SACS: variants seen among roughly 807,000 people sequenced by gnomAD.
The protein encoded by SACS is sacsin molecular chaperone.
A neutral mutation model predicts 348.0 loss-of-function variants in SACS; 197 were observed. The observed-to-expected ratio is 0.57, with a 90% CI of 0.50 to 0.64. The LOEUF is 0.64. Among genes scored for constraint, SACS ranks in the 30% least tolerant of loss-of-function variants. The pLI is 0.00. For synonymous variants in SACS, 1,985 were observed against 1,910.6 expected, an observed-to-expected ratio of 1.04 and a Z score of -1.02; for missense variants, 4,999 against 5,360.8, an observed-to-expected ratio of 0.93 and a Z score of 2.11.
At chr13:23,414,935 A>G (rs2137973748) in intron 1 of SACS, among the ~76,000 whole-genome samples, 1 of 152,376 alleles carries the variant, frequency 6.6e-6, no homozygotes, top group South Asian at 2.1e-4. Flanking sequence ...TGATACACAC[A>G]TGCTAGGTCT....
Position 23,336,440 on chromosome 13 carries a change from G to GT in SACS, c.7435dup (p.Thr2479AsnfsTer9). On this transcript the variant is annotated frameshift_variant, in exon 10 of 10. Transcript: ENST00000382292. LOFTEE classifies it high-confidence loss of function. ...GTCAGCATGACAATATTTTACAGTG[G>GT]TATCCTTTACTTTTATCCAAGGGCA... 6.2e-7 allele frequency: 1 copy of GT among 1,614,034 alleles called. No individual in the cohort carries two copies. Among genetic ancestry groups the GT allele is most frequent in the Non-Finnish European group, 8.5e-7 (1 of 1,179,934 alleles).
intron 2 of SACS, among the ~76,000 whole-genome samples, chr13:23,390,147 T>C (rs1318446521): frequency 6.6e-6 from 1 of 152,186 alleles, no homozygotes; most frequent in Non-Finnish European, 1.5e-5. Flanking sequence ...CTTCAAACTG[T>C]GTTTGGCTCT....
rs1872686861 is a variant in SACS, at chr13:23,395,665, G to A, written c.20+15555C>T. 2.6e-5 allele frequency among the ~76,000 whole-genome samples: 4 copies of A among 152,130 alleles called. No homozygotes were observed. The South Asian group carries it at 8.3e-4, about 32-fold the overall frequency. ...GACCCCCAAAAGCAATCAGATATAT[G>A]AGCAAATGAAAATCTTACAAGTCTC... On this transcript the variant is annotated intron_variant, in intron 2 of 9. Coordinates refer to ENST00000382292, the MANE Select transcript of SACS (RefSeq NM_014363.6).
At chr13:23,349,812 G>A (rs1869839390) in intron 9 of SACS, among the ~76,000 whole-genome samples, 1 of 152,158 alleles carries the variant, frequency 6.6e-6, no homozygotes, top group Non-Finnish European at 1.5e-5. Context: ...TTTGTTCAAA[G>A]TCACACAATA....
intron 2 of SACS, among the ~76,000 whole-genome samples, chr13:23,402,521 G>C (rs552077224): frequency 1.3e-5 from 2 of 152,136 alleles, no homozygotes; most frequent in Admixed American, 6.5e-5. Flanking sequence ...ATTTGCATAA[G>C]TTCAATAGGA....
At chr13:23,370,799 C>A (rs1871341026) in intron 4 of SACS, among the ~76,000 whole-genome samples, 1 of 152,132 alleles carries the variant, frequency 6.6e-6, no homozygotes, top group African/African-American at 2.4e-5. Context: ...CCTGTCTATA[C>A]TAAAAATGTA....
At chr13:23,412,047 C>A (rs1229326804) in intron 1 of SACS, among the ~76,000 whole-genome samples, 1 of 152,168 alleles carries the variant, frequency 6.6e-6, no homozygotes, top group Non-Finnish European at 1.5e-5. Flanking sequence ...GTCACAAGGT[C>A]AGGAGATTGA....
intron 9 of SACS, among the ~76,000 whole-genome samples, chr13:23,343,541 C>T (rs145811652): frequency 0.01 from 1,549 of 152,108 alleles, 23 homozygotes; most frequent in African/African-American, 0.035. Flanking sequence ...AAAAATTAGC[C>T]GGGCGTGGTG....
At chr13:23,362,416 C>T (rs1308951391) in intron 6 of SACS, among the ~76,000 whole-genome samples, 1 of 152,006 alleles carries the variant, frequency 6.6e-6, no homozygotes, top group Non-Finnish European at 1.5e-5. Context: ...GGCTGTGAAA[C>T]AAAGTGCCAG....
At chr13:23,375,674 GA>G in intron 2 of SACS, 2 of 631,024 alleles carry the variant, frequency 3.2e-6, no homozygotes, top group Non-Finnish European at 3.9e-6. Flanking sequence ...CGCCCCCAGG[GA>G]ACGCCCATCC....
chr13:23,358,985 G>A (rs1870564434), intron 6 of SACS, among the ~76,000 whole-genome samples: 1 of 152,116 alleles, frequency 6.6e-6, no homozygotes. Flanking sequence ...TTCCAGACCA[G>A]CCTGCCCAAC....
At position 23,373,643 on chromosome 13, in the gene SACS, T is replaced by C. The variant is rs145431213; in HGVS notation, c.171+1476A>G. Among the ~76,000 whole-genome samples the C allele has an allele frequency of 2.6e-3, 398 of 151,832 alleles. 3 individuals carry two copies. Among genetic ancestry groups the C allele is most frequent in the African/African-American group, 8.9e-3 (370 of 41,408 alleles). Reference sequence around the variant, plus strand: ...CGCCGCCTCCCATCTCTACTAAAAATACAAAAATTAGCTGGGCGTGGTGGC... The same window carrying C: ...CGCCGCCTCCCATCTCTACTAAAAACACAAAAATTAGCTGGGCGTGGTGGC... On this transcript the variant is annotated intron_variant, in intron 3 of 9. Transcript: ENST00000382292.
Position 23,368,435 on chromosome 13 carries a change from C to G in SACS, c.312G>C (p.Leu104Phe). ...PPLVDFLKDI[L>F]RRYPEGGQIL... ...TCTGTCCTCCTTCTGGATATCTTCT[C>G]AAAATGTCCTTGAGAAAATCAACAA... The change falls in exon 5 of 10, where the codon TTG becomes TTC. Residue 104 changes from leucine (L) to phenylalanine (F), a missense_variant. Leu to Phe is a conservative substitution (Grantham distance 22). This residue lies in a region of SACS where 3,156 missense variants were observed against 3,380.1 expected (regional missense o/e 0.93). Transcript: ENST00000382292. 3.1e-6 allele frequency: 5 copies of G among 1,613,010 alleles called. No homozygotes were observed. Among genetic ancestry groups the G allele is most frequent in the Non-Finnish European group, 4.2e-6 (5 of 1,179,476 alleles).
intron 9 of SACS, among the ~76,000 whole-genome samples, chr13:23,346,410 C>T (rs1040798135): frequency 2.0e-5 from 3 of 152,174 alleles, no homozygotes; most frequent in Admixed American, 2.0e-4. Context: ...TCCCAAAATG[C>T]TGGGATTACA....
At chr13:23,410,322 A>G (rs551925286) in intron 2 of SACS, among the ~76,000 whole-genome samples, 1 of 152,340 alleles carries the variant, frequency 6.6e-6, no homozygotes, top group South Asian at 2.1e-4. Flanking sequence ...ACTCTTGTCC[A>G]TTCACACACT....
Position 23,422,991 on chromosome 13 carries a change from T to G in SACS, c.-502+10624A>C, listed in dbSNP as rs77986010. 4.4e-3 allele frequency among the ~76,000 whole-genome samples: 669 copies of G among 152,322 alleles called. 6 individuals are homozygous for G. Among genetic ancestry groups the G allele is most frequent in the African/African-American group, 0.015 (627 of 41,574 alleles). ...TCACTGAATGAAATGTGAGTTTCCA[T>G]TAAACAAGTTGTAAAAACACGTTTT... On this transcript the variant is annotated intron_variant, in intron 1 of 9. Transcript: ENST00000382292.
chr13:23,359,189 A>C (rs1379203189), intron 6 of SACS, among the ~76,000 whole-genome samples: 1 of 152,202 alleles, frequency 6.6e-6, no homozygotes, highest in Non-Finnish European at 1.5e-5. Context: ...CTCAAAAAAA[A>C]AGAAAAAAGA....
chr13:23,365,060 C>A, intron 6 of SACS, 106 bp downstream of exon 6: 1 of 764,580 alleles, frequency 1.3e-6, no homozygotes, highest in Admixed American at 2.5e-5. Context: ...ATAAACATGC[C>A]AAAAAGTACA....
intron 6 of SACS, among the ~76,000 whole-genome samples, chr13:23,362,581 C>CTTTTTTTT (rs34351648): frequency 1.8e-5 from 2 of 111,856 alleles, no homozygotes; most frequent in Non-Finnish European, 1.9e-5. Flanking sequence ...TAATACATTC[C>CTTTTTTTT]TTTTTTTTTT....
Sources: gnomAD v4.1 joint callset for allele counts (sites outside exome capture counted in the v4.1 genomes callset) on GRCh38, gnomAD v4.1.1 for gene constraint, gnomAD v4.1.1 regional missense constraint, MANE v1.5 for transcripts, NCBI Gene and HGNC (gene_info 2026-07-23, HGNC 2026-07-21) for gene names.